Variants in SAXO1 observed in about 807,000 individuals in gnomAD.
SAXO1 encodes the protein 4930500O09Rik.
SAXO1 carries 21 observed loss-of-function variants against 17.5 expected under a neutral mutation model. The ratio of observed to expected loss-of-function variants is 1.20; its 90% CI spans 0.85 to 1.72. The LOEUF is 1.72. Among genes scored for constraint, SAXO1 ranks in the 40% most tolerant of loss-of-function variants. The pLI, the probability that SAXO1 is intolerant of heterozygous loss-of-function variation, is 0.00. For missense variants in SAXO1, 843 were observed against 596.0 expected (o/e 1.41, Z -4.32); for synonymous variants, 274 against 216.5 (o/e 1.27, Z -2.33).
intron 1 of SAXO1, among the ~76,000 whole-genome samples, chr9:18,962,703 G>A (rs1196144949): frequency 6.6e-6 from 1 of 152,120 alleles, no homozygotes; most frequent in East Asian, 1.9e-4. Context: ...CTGGGTATTA[G>A]CCCTTTGTCA....
intron 1 of SAXO1, among the ~76,000 whole-genome samples, chr9:19,022,353 T>C (rs554369883): frequency 6.6e-6 from 1 of 152,352 alleles, no homozygotes; most frequent in Admixed American, 6.5e-5. Context: ...GGCTTCATTC[T>C]TGAAGTGAGT....
chr9:19,003,051 G>T (rs1207407257), intron 1 of SAXO1, among the ~76,000 whole-genome samples: 1 of 152,220 alleles, frequency 6.6e-6, no homozygotes, highest in Non-Finnish European at 1.5e-5. Flanking sequence ...AAAGTCTCAG[G>T]ACACAAAATC....
At chr9:18,931,100 T>C (rs1831027272) in intron 3 of SAXO1, among the ~76,000 whole-genome samples, 2 of 152,322 alleles carry the variant, frequency 1.3e-5, no homozygotes, top group African/African-American at 2.4e-5. Flanking sequence ...GAGTTGTATA[T>C]CCATCACCAA....
chr9:18,967,020 A>G (rs1430031456), intron 1 of SAXO1, among the ~76,000 whole-genome samples: 3 of 152,168 alleles, frequency 2.0e-5, no homozygotes, highest in Non-Finnish European at 4.4e-5. Context: ...CAGGTCTGCT[A>G]GAGTTTGATG....
At chr9:18,942,142 C>G (rs1012241894) in intron 2 of SAXO1, among the ~76,000 whole-genome samples, 3 of 151,550 alleles carry the variant, frequency 2.0e-5, no homozygotes, top group Admixed American at 6.6e-5. Context: ...CAGATCCTGA[C>G]AATTTCTCAC....
chr9:19,031,618 T>G (rs1835777630), intron 1 of SAXO1, among the ~76,000 whole-genome samples: 1 of 152,162 alleles, frequency 6.6e-6, no homozygotes, highest in Admixed American at 6.5e-5. Flanking sequence ...TAACATGTAG[T>G]CCTAGACTAT....
chr9:19,019,871 C>A (rs888863560), intron 1 of SAXO1, among the ~76,000 whole-genome samples: 1 of 152,078 alleles, frequency 6.6e-6, no homozygotes, highest in Non-Finnish European at 1.5e-5. Context: ...TCTGAACAAC[C>A]CAGAACAAGT....
chr9:19,031,697 G>A (rs185607587), intron 1 of SAXO1, among the ~76,000 whole-genome samples: 9 of 152,220 alleles, frequency 5.9e-5, no homozygotes, highest in African/African-American at 2.2e-4. Flanking sequence ...CTAGTTCAGT[G>A]AGTCCCAGTC....
intron 1 of SAXO1, among the ~76,000 whole-genome samples, chr9:18,993,016 T>A (rs1369871349): frequency 1.3e-5 from 2 of 152,118 alleles, no homozygotes; most frequent in African/African-American, 4.8e-5. Context: ...GTCAGGCTGG[T>A]CTTGAACTCC....
chr9:19,019,423 A>C (rs956930401), intron 1 of SAXO1, among the ~76,000 whole-genome samples: 5 of 152,124 alleles, frequency 3.3e-5, no homozygotes, highest in African/African-American at 4.8e-5. Context: ...CACCCAACAC[A>C]AGAGTCAGAA....
intron 1 of SAXO1, among the ~76,000 whole-genome samples, chr9:18,967,479 C>T (rs750528116): frequency 5.3e-5 from 8 of 152,212 alleles, no homozygotes; most frequent in Non-Finnish European, 1.2e-4. Flanking sequence ...TGTCTGGCTA[C>T]AGTGGCTTTG....
intron 1 of SAXO1, chr9:19,027,337 C>T: frequency 1.3e-6 from 1 of 791,750 alleles, no homozygotes; most frequent in South Asian, 1.3e-5. Flanking sequence ...GAGACACTGC[C>T]CAGAGTACGA....
chr9:18,981,773 AAAAAC>A (rs1278414906), intron 1 of SAXO1, among the ~76,000 whole-genome samples: 3 of 152,174 alleles, frequency 2.0e-5, no homozygotes, highest in Non-Finnish European at 4.4e-5. Flanking sequence ...ATAAAAAATA[AAAAAC>A]AAAACAAAAG....
intron 1 of SAXO1, among the ~76,000 whole-genome samples, chr9:19,004,487 C>G (rs556355480): frequency 6.6e-6 from 1 of 152,166 alleles, no homozygotes; most frequent in Non-Finnish European, 1.5e-5. Flanking sequence ...CAATAATAGA[C>G]TGGATAAAGA....
At chr9:19,046,884 AT>A (rs955003871) in intron 1 of SAXO1, among the ~76,000 whole-genome samples, 1 of 151,838 alleles carries the variant, frequency 6.6e-6, no homozygotes, top group Non-Finnish European at 1.5e-5. Context: ...AATTTAAAAA[AT>A]TTTTTTAAAA....
intron 2 of SAXO1, among the ~76,000 whole-genome samples, chr9:18,942,520 A>C (rs1426843803): frequency 6.6e-6 from 1 of 152,124 alleles, no homozygotes; most frequent in East Asian, 1.9e-4. Context: ...GCTAATGTTT[A>C]TCTCTTTCCT....
intron 1 of SAXO1, among the ~76,000 whole-genome samples, chr9:19,011,624 T>C (rs151150897): frequency 2.6e-5 from 4 of 152,334 alleles, no homozygotes; most frequent in African/African-American, 9.6e-5. Flanking sequence ...GATGGGTAGA[T>C]ACACCGACTC....
intron 1 of SAXO1, among the ~76,000 whole-genome samples, chr9:18,953,094 G>A (rs530882768): frequency 1.3e-5 from 2 of 152,226 alleles, no homozygotes; most frequent in South Asian, 2.1e-4. Flanking sequence ...TTAGGATTCC[G>A]ACAAACCTCA....
chr9:19,038,129 A>G (rs987671787), upstream of SAXO1, among the ~76,000 whole-genome samples: 5 of 152,212 alleles, frequency 3.3e-5, no homozygotes, highest in African/African-American at 1.2e-4. Context: ...GAGGATGTGG[A>G]GAAACAGGGA....
Sources: gnomAD v4.1 joint callset for allele counts (sites outside exome capture counted in the v4.1 genomes callset) on GRCh38, gnomAD v4.1.1 for gene constraint, MANE v1.5 for transcripts, NCBI Gene and HGNC (gene_info 2026-07-23, HGNC 2026-07-21) for gene names.